LRP5: variants seen among roughly 807,000 people sequenced by gnomAD.
LRP5 encodes the protein LDL receptor related protein 5.
Under a neutral mutation model 154.1 loss-of-function variants are expected in LRP5, and 62 were observed. The ratio of observed to expected loss-of-function variants is 0.40; its 90% CI spans 0.33 to 0.50. The LOEUF is 0.50. Ranked by LOEUF, LRP5 falls within the 20% of genes least tolerant of loss-of-function variation. LRP5 has a pLI of 0.55. For missense variants in LRP5, 1,915 were observed against 2,336.7 expected (o/e 0.82, Z 3.72); for synonymous variants, 966 against 1,011.5 (o/e 0.96, Z 0.85).
In LRP5 at chr11:68,409,906, G is replaced by T; in HGVS notation, c.2092-8G>T. 2.5e-6 allele frequency: 4 copies of T among 1,609,922 alleles called. No homozygotes were observed. The highest frequency in any genetic ancestry group is 3.4e-6 in the Non-Finnish European group (4 of 1,176,728). On this transcript the variant is annotated splice_polypyrimidine_tract_variant and splice_region_variant and intron_variant, in intron 9 of 22. Transcript: ENST00000294304. ...AATGTGGCCCTTTTCCTCCTCACCT[G>T]CTGCCAGACCATCAGCCGCGCCTTC...
chr11:68,399,017 T>C (rs1591278958), intron 7 of LRP5, among the ~76,000 whole-genome samples: 1 of 152,120 alleles, frequency 6.6e-6, no homozygotes, highest in Admixed American at 6.6e-5. Context: ...GAGCCCAGCC[T>C]GTTTTTGTTT....
At chr11:68,314,330 T>C (rs977479522) in intron 1 of LRP5, among the ~76,000 whole-genome samples, 2 of 152,184 alleles carry the variant, frequency 1.3e-5, no homozygotes, top group African/African-American at 4.8e-5. Flanking sequence ...GAAAGAATTA[T>C]AGCTGTAGAG....
chr11:68,409,079 T>TATATATATATAC, intron 9 of LRP5, among the ~76,000 whole-genome samples: 1 of 38,642 alleles, frequency 2.6e-5, no homozygotes, highest in African/African-American at 8.5e-5. Context: ...AAAAAATATA[T>TATATATATATAC]ATATATATAT....
chr11:68,421,176 G>A (rs1003027196), intron 13 of LRP5, among the ~76,000 whole-genome samples: 1 of 152,086 alleles, frequency 6.6e-6, no homozygotes, highest in African/African-American at 2.4e-5. Context: ...GCGGTGAGCC[G>A]AGATCGCTTC....
At chr11:68,301,717 G>A in the LRP5 span, among the ~76,000 whole-genome samples, 1 of 139,190 alleles carries the variant, frequency 7.2e-6, no homozygotes, top group South Asian at 2.2e-4. Flanking sequence ...CCACCTCCCA[G>A]GTTCACACCA....
At chr11:68,329,068 AG>A (rs2098601328) in intron 1 of LRP5, among the ~76,000 whole-genome samples, 1 of 152,214 alleles carries the variant, frequency 6.6e-6, no homozygotes, top group African/African-American at 2.4e-5. Flanking sequence ...TTGGATTTGA[AG>A]GACAGCCAAG....
chr11:68,306,405 G>A, the LRP5 span, among the ~76,000 whole-genome samples: 2 of 152,116 alleles, frequency 1.3e-5, no homozygotes, highest in Admixed American at 6.5e-5. Flanking sequence ...CAAAGTGCTG[G>A]GATTACAGGC....
intron 5 of LRP5, among the ~76,000 whole-genome samples, chr11:68,374,351 G>A (rs1274460525): frequency 1.3e-5 from 2 of 152,210 alleles, no homozygotes; most frequent in African/African-American, 4.8e-5. Context: ...AAAAAAGAAA[G>A]GAGGTCCTGT....
At chr11:68,376,071 C>T (rs1033637615) in intron 5 of LRP5, among the ~76,000 whole-genome samples, 6 of 151,394 alleles carry the variant, frequency 4.0e-5, no homozygotes, top group African/African-American at 1.5e-4. Context: ...ACAAAAGTAA[C>T]GTTTCTTGGG....
chr11:68,409,073 A>ATATAT (rs1200045346), intron 9 of LRP5, among the ~76,000 whole-genome samples: 2 of 44,176 alleles, frequency 4.5e-5, no homozygotes, highest in Non-Finnish European at 7.4e-5. Context: ...AAAAAAAAAA[A>ATATAT]ATATATATAT....
intron 9 of LRP5, among the ~76,000 whole-genome samples, chr11:68,409,051 G>GGAA (rs1395621273): frequency 4.7e-4 from 24 of 51,420 alleles, no homozygotes; most frequent in African/African-American, 1.6e-3. Context: ...CTTATCTGGG[G>GGAA]AAAAAAAAAA....
intron 7 of LRP5, among the ~76,000 whole-genome samples, chr11:68,401,484 G>C (rs1335815173): frequency 6.6e-6 from 1 of 152,204 alleles, no homozygotes; most frequent in Non-Finnish European, 1.5e-5. Flanking sequence ...AATTGCTCCA[G>C]GTTGGGGCCA....
At chr11:68,404,382 C>A (rs1240604330) in intron 8 of LRP5, 1 of 519,100 alleles carries the variant, frequency 1.9e-6, no homozygotes, top group Non-Finnish European at 3.8e-6. Flanking sequence ...GGACAGAGGA[C>A]GTGATGCTTG....
At chr11:68,330,367 C>T (rs902667629) in intron 1 of LRP5, among the ~76,000 whole-genome samples, 26 of 152,360 alleles carry the variant, frequency 1.7e-4, no homozygotes, top group African/African-American at 6.0e-4. Context: ...CTCTGCTGTG[C>T]AGTATTCCAT....
chr11:68,349,697 G>A (rs184605292), intron 2 of LRP5, among the ~76,000 whole-genome samples: 8 of 152,290 alleles, frequency 5.3e-5, no homozygotes, highest in East Asian at 1.9e-4. Flanking sequence ...GTCGAAGTCC[G>A]GGGTGGAGAG....
At chr11:68,375,759 C>T (rs950432699) in intron 5 of LRP5, among the ~76,000 whole-genome samples, 5 of 152,206 alleles carry the variant, frequency 3.3e-5, no homozygotes, top group African/African-American at 1.2e-4. Flanking sequence ...TCAAGAGAAG[C>T]CCCCCGTCTC....
upstream of LRP5, among the ~76,000 whole-genome samples, chr11:68,311,614 G>A (rs1397639897): frequency 6.6e-6 from 1 of 152,198 alleles, no homozygotes; most frequent in Non-Finnish European, 1.5e-5. Flanking sequence ...GGGCAGAGGC[G>A]TTCAGCCTGA....
chr11:68,424,978 C>A, intron 14 of LRP5, 124 bp from the exon 15 acceptor site: 1 of 742,412 alleles, frequency 1.3e-6, no homozygotes, highest in Non-Finnish European at 2.3e-6. Context: ...AGAATGTGAC[C>A]TGTCAGCCTC....
chr11:68,354,669 C>T (rs995290322), intron 2 of LRP5, among the ~76,000 whole-genome samples: 4 of 152,210 alleles, frequency 2.6e-5, no homozygotes, highest in African/African-American at 7.2e-5. Context: ...GCTTTGCTGG[C>T]GAAGGGTGAG....
Sources: gnomAD v4.1 joint callset for allele counts (sites outside exome capture counted in the v4.1 genomes callset) on GRCh38, gnomAD v4.1.1 for gene constraint, MANE v1.5 for transcripts, NCBI Gene and HGNC (gene_info 2026-07-23, HGNC 2026-07-21) for gene names.